Variants in PCDH7 observed in about 807,000 individuals in gnomAD.
The protein encoded by PCDH7 is protocadherin 7, also known as protocadherin-7.
Under a neutral mutation model 58.9 loss-of-function variants are expected in PCDH7, and 17 were observed. That is an observed-to-expected ratio of 0.29 (90% confidence interval 0.20 to 0.43). The LOEUF is 0.43. PCDH7 is among the 20% of genes least tolerant of loss of function. The pLI is 1.00. For missense variants in PCDH7, 1,274 were observed against 1,441.0 expected (o/e 0.88, Z 1.88); for synonymous variants, 664 against 616.4 (o/e 1.08, Z -1.14).
intron 2 of PCDH7, among the ~76,000 whole-genome samples, chr4:30,942,177 G>A (rs1041440498): frequency 6.6e-6 from 1 of 151,832 alleles, no homozygotes; most frequent in Non-Finnish European, 1.5e-5. Flanking sequence ...ATGAATAAAT[G>A]AATATTCGAA....
chr4:31,145,159 T>C (rs1720595197), downstream of PCDH7: 1 of 151,978 alleles, frequency 6.6e-6, no homozygotes, highest in Non-Finnish European at 1.5e-5. Context: ...CTAATACGGG[T>C]CACACCGGAC....
chr4:31,109,288 T>C (rs568869353), intron 3 of PCDH7, among the ~76,000 whole-genome samples: 3 of 152,348 alleles, frequency 2.0e-5, no homozygotes, highest in Admixed American at 6.5e-5. Context: ...ATGACCATTT[T>C]AGCAATCTAC....
At chr4:30,823,140 G>A (rs1728580925) in intron 1 of PCDH7, among the ~76,000 whole-genome samples, 1 of 152,046 alleles carries the variant, frequency 6.6e-6, no homozygotes, top group Non-Finnish European at 1.5e-5. Context: ...AAGCTTTTTG[G>A]CACCCTTTTG....
intron 1 of PCDH7, among the ~76,000 whole-genome samples, chr4:30,825,389 C>T (rs1217508341): frequency 1.3e-5 from 2 of 152,158 alleles, no homozygotes; most frequent in East Asian, 1.9e-4. Context: ...TATGTTTTAT[C>T]TTTTTTTGTT....
chr4:31,088,637 A>G (rs1173542901), intron 3 of PCDH7, among the ~76,000 whole-genome samples: 1 of 152,086 alleles, frequency 6.6e-6, no homozygotes, highest in Non-Finnish European at 1.5e-5. Context: ...AAAACTAGCA[A>G]TGAAGAGAAC....
chr4:31,097,636 A>ATATT (rs1553850688), intron 3 of PCDH7, among the ~76,000 whole-genome samples: 1 of 33,836 alleles, frequency 3.0e-5, no homozygotes, highest in Non-Finnish European at 4.9e-5. Flanking sequence ...ATATATATAT[A>ATATT]TAAATCTTTT....
At chr4:30,786,722 T>A (rs1723444346) in intron 1 of PCDH7, 1 of 979,970 alleles carries the variant, frequency 1.0e-6, no homozygotes, top group African/African-American at 1.8e-5. Context: ...TTGTATTTTT[T>A]ATAGGTGGAT....
At chr4:30,865,043 T>C (rs894778662) in intron 1 of PCDH7, among the ~76,000 whole-genome samples, 1 of 152,040 alleles carries the variant, frequency 6.6e-6, no homozygotes, top group Non-Finnish European at 1.5e-5. Flanking sequence ...AAGTAGGAGC[T>C]GATAAACGGT....
intron 3 of PCDH7, among the ~76,000 whole-genome samples, chr4:30,956,699 G>T (rs10939323): frequency 6.6e-6 from 1 of 151,980 alleles, no homozygotes; most frequent in South Asian, 2.1e-4. Context: ...TTGAAATCTC[G>T]TTAACTTTTT....
intron 1 of PCDH7, among the ~76,000 whole-genome samples, chr4:30,903,921 T>A (rs1740556133): frequency 1.3e-5 from 2 of 152,212 alleles, no homozygotes; most frequent in Non-Finnish European, 1.5e-5. Flanking sequence ...GATTTTACAC[T>A]TATTAAGCTA....
chr4:30,724,263 C>T (rs1318443099), exon 1 of PCDH7: 1 of 1,613,734 alleles, frequency 6.2e-7, no homozygotes, highest in Non-Finnish European at 8.5e-7. Context: ...AGCAGCCTCT[C>T]TACAGCAGCA....
chr4:30,978,393 C>T (rs972586192), intron 3 of PCDH7, among the ~76,000 whole-genome samples: 1 of 152,126 alleles, frequency 6.6e-6, no homozygotes, highest in Admixed American at 6.6e-5. Flanking sequence ...ATTATTTAAA[C>T]CCTCAAACAG....
At position 30,781,917 on chromosome 4, in the gene PCDH7, C is replaced by T. The variant is rs117320259; in HGVS notation, c.70+57321C>T. Among the ~76,000 whole-genome samples the T allele has an allele frequency of 3.4e-4, 51 of 152,186 alleles. No homozygotes were observed. In the East Asian group the frequency reaches 9.1e-3, roughly 27 times the overall value. ...ATTTTTAAGAGTATAGTTCAAACGG[C>T]GCTAATGGCCTTTGTGTGTGTGTAT... On this transcript the variant is annotated intron_variant, in intron 1 of 3. Coordinates refer to the PCDH7 transcript ENST00000509759.
rs1281680015 is a variant in PCDH7, at chr4:31,051,697, A to G, written c.*8-90776A>G. Among the ~76,000 whole-genome samples the G allele has an allele frequency of 7.2e-5, 11 of 152,058 alleles. 2 individuals are homozygous for G. Among genetic ancestry groups the G allele is most frequent in the Admixed American group, 6.6e-4 (10 of 15,240 alleles). ...TATAATGGGTAGCAGCAGACCTTAA[A>G]CCTTTACAGCATAAAAATAGCAGTC... is the stretch of plus-strand genomic sequence containing the variant. On this transcript the variant is annotated intron_variant, in intron 3 of 3. Coordinates refer to the PCDH7 transcript ENST00000509759.
chr4:30,850,719 C>T (rs1236858145), intron 1 of PCDH7, among the ~76,000 whole-genome samples: 1 of 152,034 alleles, frequency 6.6e-6, no homozygotes, highest in Non-Finnish European at 1.5e-5. Context: ...CACGGCTGGA[C>T]ACTCACTACC....
At chr4:30,974,332 C>T (rs1426308286) in intron 3 of PCDH7, among the ~76,000 whole-genome samples, 1 of 145,666 alleles carries the variant, frequency 6.9e-6, no homozygotes, top group African/African-American at 2.6e-5. Flanking sequence ...GGGAGGAAAA[C>T]AAAGCAGAAC....
At chr4:31,056,903 A>T (rs1358366521) in intron 3 of PCDH7, among the ~76,000 whole-genome samples, 1 of 152,156 alleles carries the variant, frequency 6.6e-6, no homozygotes, top group Non-Finnish European at 1.5e-5. Context: ...ATAGTCATCC[A>T]TTAGTCAAAT....
Position 30,800,020 on chromosome 4 carries a change from T to C in PCDH7, c.70+75424T>C, listed in dbSNP as rs970243575. Among the ~76,000 whole-genome samples the C allele has an allele frequency of 6.1e-5, 8 of 131,766 alleles. No individual in the cohort carries two copies. The Admixed American group carries it at 6.2e-4, about 10-fold the overall frequency. The allele number at this position is 131,766 out of a possible 152,430, so 86.4% of individuals were successfully genotyped here. On this transcript the variant is annotated intron_variant, in intron 1 of 3. Transcript: ENST00000509759. ...AGGCACACACCACCACACCCGGCTA[T>C]TTTTTTTTTTTTAATTTTTAGTAGA...
chr4:31,142,350 T>A, intron 3 of PCDH7, 123 bp from the exon 3 acceptor site: 1 of 880,524 alleles, frequency 1.1e-6, no homozygotes, highest in Non-Finnish European at 1.6e-6. Context: ...AGCTAGAGGG[T>A]GTTGGGAAAT....
Sources: gnomAD v4.1 joint callset for allele counts (sites outside exome capture counted in the v4.1 genomes callset) on GRCh38, gnomAD v4.1.1 for gene constraint, MANE v1.5 for transcripts, NCBI Gene and HGNC (gene_info 2026-07-23, HGNC 2026-07-21) for gene names.